The following PIP5K1B variants were observed in gnomAD, a reference collection of about 807,000 sequenced individuals.
PIP5K1B encodes phosphatidylinositol 4-phosphate 5-kinase type-1 beta.
A neutral mutation model predicts 67.0 loss-of-function variants in PIP5K1B; 42 were observed. The ratio of observed to expected loss-of-function variants is 0.63; its 90% CI spans 0.49 to 0.81. PIP5K1B has a LOEUF of 0.81. Ranked by LOEUF, PIP5K1B falls within the 30% of genes least tolerant of loss-of-function variation. The pLI is 0.00. For missense variants in PIP5K1B, 459 were observed against 646.3 expected, an observed-to-expected ratio of 0.71 and a Z score of 3.14; for synonymous variants, 214 against 231.4, an observed-to-expected ratio of 0.92 and a Z score of 0.68.
intron 6 of PIP5K1B, among the ~76,000 whole-genome samples, chr9:68,885,097 G>A (rs992784579): frequency 6.6e-6 from 1 of 152,180 alleles, no homozygotes; most frequent in Non-Finnish European, 1.5e-5. Flanking sequence ...TTAATGTGAT[G>A]TATATACACA....
At chr9:68,736,793 C>T (rs751172224) in intron 1 of PIP5K1B, among the ~76,000 whole-genome samples, 12 of 152,162 alleles carry the variant, frequency 7.9e-5, no homozygotes, top group Non-Finnish European at 7.3e-5. Context: ...GGATAATCTC[C>T]CCATTTTGAG....
At chr9:68,981,654 T>G (rs921414608) in intron 14 of PIP5K1B, among the ~76,000 whole-genome samples, 12 of 152,292 alleles carry the variant, frequency 7.9e-5, no homozygotes, top group African/African-American at 2.9e-4. Context: ...CTCATGAGAA[T>G]TAGCTATAAA....
intron 2 of PIP5K1B, among the ~76,000 whole-genome samples, chr9:68,760,741 C>T (rs543530346): frequency 9.2e-5 from 14 of 152,172 alleles, no homozygotes; most frequent in Admixed American, 8.5e-4. Flanking sequence ...AAAGCTCTGC[C>T]TCTAGTATTA....
chr9:68,743,556 G>A (rs772186121), intron 2 of PIP5K1B, among the ~76,000 whole-genome samples: 2 of 152,178 alleles, frequency 1.3e-5, no homozygotes, highest in Non-Finnish European at 2.9e-5. Flanking sequence ...CTGCATATGT[G>A]TGAGGAGAAA....
At chr9:68,816,711 G>A (rs1833465192) in intron 2 of PIP5K1B, among the ~76,000 whole-genome samples, 1 of 152,076 alleles carries the variant, frequency 6.6e-6, no homozygotes, top group African/African-American at 2.4e-5. Context: ...AATGATTTGG[G>A]GGCAATTAGG....
intron 2 of PIP5K1B, among the ~76,000 whole-genome samples, chr9:68,807,130 G>C (rs890583741): frequency 1.3e-4 from 20 of 152,140 alleles, no homozygotes; most frequent in African/African-American, 4.8e-4. Context: ...TGTGTGCCTT[G>C]AGAACAGGGA....
At chr9:68,889,215 T>A in intron 7 of PIP5K1B, 82 bp downstream of exon 7, 1 of 999,032 alleles carries the variant, frequency 1.0e-6, no homozygotes, top group Non-Finnish European at 1.5e-6. Context: ...TTTTTTTCAG[T>A]GACTCAGGCA....
At chr9:68,714,790 G>A (rs534307150) in intron 1 of PIP5K1B, among the ~76,000 whole-genome samples, 16 of 152,320 alleles carry the variant, frequency 1.1e-4, no homozygotes, top group African/African-American at 3.6e-4. Flanking sequence ...AAAGGAACAG[G>A]ATGGAAACTC....
rs530074359 is a variant in PIP5K1B, at chr9:69,008,591, T to G, written c.*142T>G. 3.8e-6 allele frequency: 3 copies of G among 795,718 alleles called. No homozygotes were observed. The highest frequency in any genetic ancestry group is 6.7e-6 in the Non-Finnish European group (3 of 450,636). 49.3% of individuals were successfully genotyped at this position (795,718 alleles called of 1,614,324 possible). A position where few individuals can be genotyped will look rare whatever the true frequency, so the allele number is the denominator to read the frequency against. On this transcript the variant is annotated 3_prime_UTR_variant, in exon 16 of 16. Coordinates refer to ENST00000265382, the MANE Select transcript of PIP5K1B (RefSeq NM_003558.4). ...AAATCATCAACCTGACTTAAGAGTT[T>G]TCAAGATGTCAACTTCAGGCTGATC...
intron 14 of PIP5K1B, among the ~76,000 whole-genome samples, chr9:68,984,046 C>T (rs1411179321): frequency 2.0e-5 from 3 of 152,174 alleles, no homozygotes; most frequent in African/African-American, 7.2e-5. Flanking sequence ...CAGAGCAATA[C>T]CCTGTCTCTA....
chr9:68,764,218 A>C (rs1214605373), intron 2 of PIP5K1B, among the ~76,000 whole-genome samples: 1 of 150,720 alleles, frequency 6.6e-6, no homozygotes, highest in Non-Finnish European at 1.5e-5. Context: ...CTTTTATCTC[A>C]ACAATAAGTG....
intron 4 of PIP5K1B, among the ~76,000 whole-genome samples, chr9:68,833,041 A>C (rs1834401615): frequency 6.6e-6 from 1 of 152,224 alleles, no homozygotes; most frequent in Non-Finnish European, 1.5e-5. Flanking sequence ...ACAAGTATTT[A>C]TTTAGCTTGG....
intron 4 of PIP5K1B, among the ~76,000 whole-genome samples, chr9:68,860,188 C>A (rs1337709168): frequency 6.6e-6 from 1 of 151,996 alleles, no homozygotes; most frequent in Non-Finnish European, 1.5e-5. Context: ...ACCAATATCT[C>A]CCCAAGCCCC....
chr9:68,790,262 T>G (rs1831885744), intron 2 of PIP5K1B, among the ~76,000 whole-genome samples: 1 of 152,216 alleles, frequency 6.6e-6, no homozygotes, highest in Non-Finnish European at 1.5e-5. Context: ...AAAACTTTTC[T>G]TCATAGAAAA....
intron 14 of PIP5K1B, among the ~76,000 whole-genome samples, chr9:68,982,360 T>C (rs1483681440): frequency 6.6e-6 from 1 of 152,150 alleles, no homozygotes; most frequent in Admixed American, 6.5e-5. Flanking sequence ...GCAGTAAAAA[T>C]ATCAGGACAA....
intron 8 of PIP5K1B, among the ~76,000 whole-genome samples, chr9:68,898,688 C>G (rs979196359): frequency 2.0e-5 from 3 of 152,122 alleles, no homozygotes; most frequent in Non-Finnish European, 2.9e-5. Context: ...AGATCTGCAC[C>G]CTGAAGCTAC....
At chr9:68,965,317 G>T (rs538264397) in intron 14 of PIP5K1B, among the ~76,000 whole-genome samples, 2 of 152,320 alleles carry the variant, frequency 1.3e-5, no homozygotes, top group Admixed American at 1.3e-4. Flanking sequence ...TGGGGGCAGA[G>T]GGTGTCCCTG....
intron 14 of PIP5K1B, among the ~76,000 whole-genome samples, chr9:68,961,744 C>G (rs2132751358): frequency 6.6e-6 from 1 of 152,300 alleles, no homozygotes; most frequent in Middle Eastern, 3.4e-3. Flanking sequence ...CTCCTTATCT[C>G]CTTATTTTCA....
intron 4 of PIP5K1B, among the ~76,000 whole-genome samples, chr9:68,836,380 C>T (rs530553041): frequency 1.3e-5 from 2 of 152,028 alleles, no homozygotes; most frequent in East Asian, 1.9e-4. Context: ...AGATTTAAAG[C>T]GGTAAAGTTT....
Sources: allele counts gnomAD v4.1 joint callset (sites outside exome capture counted in the v4.1 genomes callset), GRCh38; gene constraint gnomAD v4.1.1; transcripts MANE v1.5; gene names NCBI Gene and HGNC (gene_info 2026-07-23, HGNC 2026-07-21).